RAB39A: variants seen among roughly 807,000 people sequenced by gnomAD.
RAB39A encodes the protein RAB39A, member RAS oncogene family.
A neutral mutation model predicts 20.9 loss-of-function variants in RAB39A; 17 were observed. That is an observed-to-expected ratio of 0.81 (90% CI 0.56 to 1.22). RAB39A has a LOEUF of 1.22. Among genes scored for constraint, RAB39A ranks in the 50% most tolerant of loss-of-function variants. The pLI is 0.00. For synonymous variants in RAB39A, 99 were observed against 103.4 expected, an observed-to-expected ratio of 0.96 and a Z score of 0.26; for missense variants, 234 against 270.5, an observed-to-expected ratio of 0.87 and a Z score of 0.95.
Position 107,962,161 on chromosome 11 carries a change from A to T in RAB39A, c.443A>T (p.Asp148Val), listed in dbSNP as rs1438484630. 6.2e-7 allele frequency: 1 copy of T among 1,614,152 alleles called. No homozygotes were observed. The highest frequency in any genetic ancestry group is 1.1e-5 in the South Asian group (1 of 91,078). The stretch of plus-strand genomic sequence containing the variant: ...GAAGAAGCTGAAAAACTGTCAGCAG[A>T]CTGTGGAATGAAGTATATAGAAACC... ...TREEAEKLSA[D>V]CGMKYIETSA... Residue 148 changes from aspartate (D) to valine (V), a missense_variant, in exon 2 of 2, where the codon GAC becomes GTC. Transcript: ENST00000320578.
intron 1 of RAB39A, among the ~76,000 whole-genome samples, chr11:107,948,194 GAC>G (rs1861338251): frequency 1.3e-5 from 2 of 152,154 alleles, no homozygotes; most frequent in Non-Finnish European, 2.9e-5. Flanking sequence ...AGATGAAATT[GAC>G]AGAAAAGCTA....
At chr11:107,941,225 A>G (rs1861255551) in intron 1 of RAB39A, among the ~76,000 whole-genome samples, 2 of 152,164 alleles carry the variant, frequency 1.3e-5, no homozygotes, top group African/African-American at 4.8e-5. Flanking sequence ...GACGACTTTT[A>G]ATATACTAAT....
intron 1 of RAB39A, among the ~76,000 whole-genome samples, chr11:107,955,121 C>G (rs1043521633): frequency 6.6e-6 from 1 of 150,704 alleles, no homozygotes; most frequent in Admixed American, 6.6e-5. Context: ...CTCAGCCTCC[C>G]GAGGAGCTGG....
In RAB39A at chr11:107,928,581, T is replaced by A. The variant is rs761495372; in HGVS notation, c.13T>A (p.Trp5Arg). 5.8e-6 allele frequency: 9 copies of A among 1,545,206 alleles called. No individual in the cohort carries two copies. The highest frequency in any genetic ancestry group is 6.2e-6 in the Non-Finnish European group (7 of 1,133,756). Residue 5 changes from tryptophan to arginine, a missense_variant, in exon 1 of 2, where the codon TGG becomes AGG. Physicochemically the swap from Trp to Arg is moderately radical, Grantham distance 101 (BLOSUM62 -3). Coordinates refer to ENST00000320578, the MANE Select transcript of RAB39A (RefSeq NM_017516.3). This position sits in a 1 kb window ranked among gnomAD's most constrained non-coding sequence, Gnocchi z 4.9. ...GGGCACGTGAGCGATGGAGACCATC[T>A]GGATCTACCAGTTCCGCCTCATCGT... Reference protein sequence around the residue: METIWIYQFRLIVIG... With the variant: METIRIYQFRLIVIG...
chr11:107,959,772 A>G (rs1169670874), intron 1 of RAB39A, among the ~76,000 whole-genome samples: 1 of 152,196 alleles, frequency 6.6e-6, no homozygotes, highest in Non-Finnish European at 1.5e-5. Flanking sequence ...ACGGTAACAA[A>G]TAACCCACTG....
chr11:107,932,539 C>T (rs993945646), intron 1 of RAB39A, among the ~76,000 whole-genome samples: 1 of 152,160 alleles, frequency 6.6e-6, no homozygotes, highest in Non-Finnish European at 1.5e-5. Context: ...AGCAAAGTTT[C>T]TTTTAAGCAA....
chr11:107,960,147 T>C (rs1212883495), intron 1 of RAB39A, among the ~76,000 whole-genome samples: 1 of 151,128 alleles, frequency 6.6e-6, no homozygotes, highest in East Asian at 1.9e-4. Context: ...GAGGCGGAGG[T>C]TGCAGTGAGC....
rs1861212878 is a variant in RAB39A at position 107,937,960 on chromosome 11, A to G, written c.227+9165A>G. Among the ~76,000 whole-genome samples, 2 of 152,186 alleles carry G rather than the reference A, an allele frequency of 1.3e-5. 1 individual carries two copies. The highest frequency in any genetic ancestry group is 4.1e-4 in the South Asian group (2 of 4,828). On this transcript the variant is annotated intron_variant, in intron 1 of 1. Transcript: ENST00000320578. ...AGGTATTATGGGTCAGATAATGTAA[A>G]TGTATCTGTAAAGGTCCACTTTTTT...
chr11:107,956,545 A>G (rs1861438847), intron 1 of RAB39A, among the ~76,000 whole-genome samples: 1 of 152,218 alleles, frequency 6.6e-6, no homozygotes, highest in African/African-American at 2.4e-5. Context: ...GATTAGTAAG[A>G]GGGTTAAAAT....
At chr11:107,960,188 C>T (rs544883459) in intron 1 of RAB39A, among the ~76,000 whole-genome samples, 8 of 145,746 alleles carry the variant, frequency 5.5e-5, no homozygotes, top group East Asian at 4.0e-4. Flanking sequence ...CCAGCCTGGG[C>T]GACAGAGCAA....
rs374655705 is a variant in RAB39A, at chr11:107,942,417, T to C, written c.227+13622T>C. Among the ~76,000 whole-genome samples, 8 of 152,250 alleles carry C rather than the reference T, an allele frequency of 5.3e-5. No homozygotes were observed. The East Asian group carries it at 1.5e-3, about 29-fold the overall frequency. ...CTCTTGATTTATTTGTTTTTTGAGATGGGGTCTTGCTCTGTCACTCATGCT... is the reference window on the plus strand; with the variant it reads ...CTCTTGATTTATTTGTTTTTTGAGACGGGGTCTTGCTCTGTCACTCATGCT... On this transcript the variant is annotated intron_variant, in intron 1 of 1. Coordinates refer to ENST00000320578, the MANE Select transcript of RAB39A (RefSeq NM_017516.3).
chr11:107,935,239 T>A (rs1269568984), intron 1 of RAB39A, among the ~76,000 whole-genome samples: 2 of 152,148 alleles, frequency 1.3e-5, no homozygotes, highest in Non-Finnish European at 2.9e-5. Flanking sequence ...AAAGAACAGC[T>A]ACTACACAGA....
At chr11:107,954,361 G>A (rs1022010783) in intron 1 of RAB39A, among the ~76,000 whole-genome samples, 4 of 152,060 alleles carry the variant, frequency 2.6e-5, no homozygotes, top group African/African-American at 9.7e-5. Flanking sequence ...TCTTTCGGTG[G>A]CCATTCACAT....
At chr11:107,957,924 CTCTG>C (rs1443697219) in intron 1 of RAB39A, among the ~76,000 whole-genome samples, 1 of 151,144 alleles carries the variant, frequency 6.6e-6, no homozygotes, top group African/African-American at 2.4e-5. Context: ...GAGACAGAGT[CTCTG>C]TCGCCCAGGC....
chr11:107,948,628 G>A (rs1284487166), intron 1 of RAB39A, among the ~76,000 whole-genome samples: 1 of 152,058 alleles, frequency 6.6e-6, no homozygotes, highest in African/African-American at 2.4e-5. Flanking sequence ...AGCCTCCCAA[G>A]TAGCTGGGAC....
intron 1 of RAB39A, among the ~76,000 whole-genome samples, chr11:107,930,312 G>T (rs928822244): frequency 3.9e-5 from 6 of 152,066 alleles, no homozygotes; most frequent in African/African-American, 1.4e-4. Flanking sequence ...AAGTCGTCGT[G>T]ATCTCTAACA....
intron 1 of RAB39A, among the ~76,000 whole-genome samples, chr11:107,937,104 A>G (rs4754277): frequency 0.93 from 141,116 of 152,164 alleles, 65,562 homozygotes; most frequent in Non-Finnish European, 0.96. Flanking sequence ...TTAAAAGTGT[A>G]TTGTAAGTAG....
chr11:107,950,764 TAAA>T (rs5794581), intron 1 of RAB39A, among the ~76,000 whole-genome samples: 2 of 131,352 alleles, frequency 1.5e-5, no homozygotes, highest in African/African-American at 2.9e-5. Flanking sequence ...AGACCCTGTC[TAAA>T]AAAAAAAAAA....
intron 1 of RAB39A, among the ~76,000 whole-genome samples, chr11:107,954,487 A>G (rs1484883177): frequency 1.3e-5 from 2 of 152,134 alleles, no homozygotes; most frequent in Non-Finnish European, 2.9e-5. Context: ...GCGTCTGCTC[A>G]TGACTTGGTG....
Sources: gnomAD v4.1 joint callset for allele counts (sites outside exome capture counted in the v4.1 genomes callset) on GRCh38, gnomAD v4.1.1 for gene constraint, Gnocchi (gnomAD v3.1) non-coding constraint, MANE v1.5 for transcripts, NCBI Gene and HGNC (gene_info 2026-07-23, HGNC 2026-07-21) for gene names.